RHOD: variants seen among roughly 807,000 people sequenced by gnomAD.
RHOD encodes rho-related GTP-binding protein RhoD.
Under a neutral mutation model 16.7 loss-of-function variants are expected in RHOD, and 11 were observed. The observed-to-expected ratio is 0.66, with a 90% CI of 0.41 to 1.09. The LOEUF (loss-of-function observed/expected upper bound fraction) is 1.09. RHOD is among the 50% of genes least tolerant of loss of function. The pLI, the probability that RHOD is intolerant of heterozygous loss-of-function variation, is 0.00. For synonymous variants in RHOD, 124 were observed against 126.3 expected, an observed-to-expected ratio of 0.98 and a Z score of 0.12; for missense variants, 271 against 291.7, an observed-to-expected ratio of 0.93 and a Z score of 0.52.
chr11:67,062,822 C>T (rs1247202104), intron 1 of RHOD, among the ~76,000 whole-genome samples: 2 of 152,374 alleles, frequency 1.3e-5, no homozygotes, highest in East Asian at 3.9e-4. Context: ...CAGCCCTGAG[C>T]AGGCAGTCAA....
At position 67,066,820 on chromosome 11, in the gene RHOD, G is replaced by A. The variant is rs752342973; in HGVS notation, c.303G>A (p.Pro101=). ...TGCTTTGCTTCGATGTCACCAGCCC[G>A]AACAGCTTTGACAACATCTTTAACC... ...VLLLCFDVTS[P]NSFDNIFNRW... The change falls in exon 3 of 5, where the codon CCG becomes CCA. Residue 101 remains proline (P), a synonymous_variant. Transcript: ENST00000308831. The A allele has an allele frequency of 1.2e-5, 20 of 1,613,384 alleles. No individual in the cohort carries two copies. Among genetic ancestry groups the A allele is most frequent in the African/African-American group, 4.0e-5 (3 of 74,912 alleles).
chr11:67,065,010 C>T, intron 1 of RHOD, among the ~76,000 whole-genome samples: 1 of 152,086 alleles, frequency 6.6e-6, no homozygotes, highest in Non-Finnish European at 1.5e-5. Context: ...TATTTTATGC[C>T]AGGCCCTGAG....
rs1032510488 is a variant in RHOD, at chr11:67,071,974, A to G, written c.*372A>G. ...CAGAACCCACACCCGGCCCCTTCCCACCTGTCATACTGGTAACTGTAACAA... is the reference window on the plus strand; with the variant it reads ...CAGAACCCACACCCGGCCCCTTCCCGCCTGTCATACTGGTAACTGTAACAA... On this transcript the variant is annotated 3_prime_UTR_variant, in exon 5 of 5. Transcript: ENST00000308831. 4 of 234,954 alleles carry G rather than the reference A, an allele frequency of 1.7e-5. No homozygotes were observed. In the East Asian group the frequency reaches 3.4e-4, roughly 20 times the overall value. 14.6% of individuals were successfully genotyped at this position (234,954 alleles called of 1,614,324 possible).
intron 3 of RHOD, 22 bp downstream of exon 3, chr11:67,066,869 G>A: frequency 2.0e-6 from 3 of 1,507,776 alleles, no homozygotes; most frequent in Non-Finnish European, 2.8e-6. Flanking sequence ...GGGGCAGGGA[G>A]GCATAGCCCC....
chr11:67,068,095 A>G (rs1325510928), intron 3 of RHOD, among the ~76,000 whole-genome samples: 1 of 152,072 alleles, frequency 6.6e-6, no homozygotes, highest in Non-Finnish European at 1.5e-5. Context: ...CACCACGCCC[A>G]GCCTGGGAGG....
At position 67,064,267 on chromosome 11, in the gene RHOD, G is replaced by A. The variant is rs868745468; in HGVS notation, c.133-1629G>A. The stretch of plus-strand genomic sequence containing the variant: ...TAAAAATACAAAAAATTAGCCGGGC[G>A]TGGTGGCGGGCGCCTGTAGTCCCAG... On this transcript the variant is annotated intron_variant, in intron 1 of 4. Transcript: ENST00000308831. Among the ~76,000 whole-genome samples the A allele has an allele frequency of 2.6e-3, 389 of 150,346 alleles. 1 individual carries two copies. The highest frequency in any genetic ancestry group is 8.8e-3 in the African/African-American group (359 of 40,892).
chr11:67,059,435 C>G (rs112062440), intron 1 of RHOD, among the ~76,000 whole-genome samples: 4 of 151,938 alleles, frequency 2.6e-5, no homozygotes, highest in Non-Finnish European at 5.9e-5. Flanking sequence ...CCCAGCTACT[C>G]GGGAAGCTGA....
At chr11:67,062,897 G>C (rs1163479635) in intron 1 of RHOD, among the ~76,000 whole-genome samples, 1 of 152,232 alleles carries the variant, frequency 6.6e-6, no homozygotes, top group Admixed American at 6.5e-5. Flanking sequence ...GGTTGTGGCA[G>C]AGTTTTGCAA....
chr11:67,060,964 G>T (rs1050458880), intron 1 of RHOD, among the ~76,000 whole-genome samples: 3 of 152,260 alleles, frequency 2.0e-5, no homozygotes, highest in African/African-American at 7.2e-5. Flanking sequence ...AAGGTCAGAA[G>T]CTGCGGAGGG....
In RHOD at chr11:67,071,765, A is replaced by C; in HGVS notation, c.*163A>C. 1 of 711,536 alleles carries C rather than the reference A, an allele frequency of 1.4e-6. No individual in the cohort carries two copies. Among genetic ancestry groups the C allele is most frequent in the Non-Finnish European group, 2.2e-6 (1 of 447,806 alleles). The allele number at this position is 711,536 out of a possible 1,614,324, so 44.1% of individuals were successfully genotyped here. A position where few individuals can be genotyped will look rare whatever the true frequency, so the allele number is the denominator to read the frequency against. ...GAGGCCTGGGAGTCCTGGACTGAGA[A>C]AGGGGGTTCCTGGGCCCACCTGCTC... On this transcript the variant is annotated 3_prime_UTR_variant, in exon 5 of 5. Coordinates refer to ENST00000308831, the MANE Select transcript of RHOD (RefSeq NM_014578.4).
At position 67,059,173 on chromosome 11, in the gene RHOD, G is replaced by A. The variant is rs570889091; in HGVS notation, c.132+2139G>A. Among the ~76,000 whole-genome samples the A allele has an allele frequency of 2.0e-5, 3 of 152,302 alleles. No individual in the cohort carries two copies. The South Asian group carries it at 6.2e-4, about 32-fold the overall frequency. Reference sequence around the variant, plus strand: ...GGCATGCTTATCACCAGGAAAATGGGCTGGATTTGTCCAGGCTCCTCCCGT... The same window carrying A: ...GGCATGCTTATCACCAGGAAAATGGACTGGATTTGTCCAGGCTCCTCCCGT... On this transcript the variant is annotated intron_variant, in intron 1 of 4. Coordinates refer to ENST00000308831, the MANE Select transcript of RHOD (RefSeq NM_014578.4).
At chr11:67,064,798 T>C (rs974212990) in intron 1 of RHOD, among the ~76,000 whole-genome samples, 1 of 151,896 alleles carries the variant, frequency 6.6e-6, no homozygotes, top group African/African-American at 2.4e-5. Flanking sequence ...TGGTCCCAGC[T>C]CTTGGGAGGC....
rs953631209 is a variant in RHOD at position 67,071,702 on chromosome 11, T to C, written c.*100T>C. 7 of 1,247,410 alleles carry C rather than the reference T, an allele frequency of 5.6e-6. No individual in the cohort carries two copies. Among genetic ancestry groups the C allele is most frequent in the Non-Finnish European group, 2.2e-6 (2 of 924,914 alleles). 77.3% of individuals were successfully genotyped at this position (1,247,410 alleles called of 1,614,324 possible). On this transcript the variant is annotated 3_prime_UTR_variant, in exon 5 of 5. Coordinates refer to ENST00000308831, the MANE Select transcript of RHOD (RefSeq NM_014578.4). ...GGTCCCTAGGCTGTGACCGCCGAAC[T>C]CCACTGCAACAGACGGGCGCCACCA...
chr11:67,061,753 AAAATATAT>A (rs1854891083), intron 1 of RHOD, among the ~76,000 whole-genome samples: 1 of 126,224 alleles, frequency 7.9e-6, no homozygotes, highest in Non-Finnish European at 1.7e-5. Context: ...AAAAAAAAAA[AAAATATAT>A]ATATATATAT....
chr11:67,058,339 C>A (rs570882503), intron 1 of RHOD, among the ~76,000 whole-genome samples: 1 of 152,166 alleles, frequency 6.6e-6, no homozygotes, highest in African/African-American at 2.4e-5. Flanking sequence ...CCGTGCCCAG[C>A]TAATTTTTGT....
Position 67,066,054 on chromosome 11 carries a change from T to G in RHOD, c.220+71T>G. 4.1e-6 allele frequency: 5 copies of G among 1,218,238 alleles called. No homozygotes were observed. The South Asian group carries it at 6.7e-5, about 16-fold the overall frequency. The allele number at this position is 1,218,238 out of a possible 1,614,324, so 75.5% of individuals were successfully genotyped here. A position where few individuals can be genotyped will look rare whatever the true frequency, so the allele number is the denominator to read the frequency against. On this transcript the variant is annotated intron_variant, in intron 2 of 4. Transcript: ENST00000308831. Reference sequence around the variant, plus strand: ...CCCTGATGCCTGGGACAGATTCCGCTCTGCTTCCTTCTGAACCAGGGAGGC... The same window carrying G: ...CCCTGATGCCTGGGACAGATTCCGCGCTGCTTCCTTCTGAACCAGGGAGGC...
chr11:67,064,117 A>G (rs1045909342), intron 1 of RHOD, among the ~76,000 whole-genome samples: 3 of 144,468 alleles, frequency 2.1e-5, no homozygotes, highest in Non-Finnish European at 4.5e-5. Flanking sequence ...AAAAAAAAAA[A>G]AAAAAAAGGC....
intron 1 of RHOD, among the ~76,000 whole-genome samples, chr11:67,061,295 G>T (rs972209718): frequency 6.6e-6 from 1 of 152,028 alleles, no homozygotes; most frequent in Non-Finnish European, 1.5e-5. Flanking sequence ...AGGTCAGGAG[G>T]AGTCCAGCCT....
chr11:67,057,126 C>A (rs1854822901), intron 1 of RHOD, 92 bp downstream of exon 1: 2 of 1,313,216 alleles, frequency 1.5e-6, no homozygotes, highest in East Asian at 6.4e-5. Context: ...TGCGCCTAAC[C>A]CGGCCTCCGA....
Sources: gnomAD v4.1 joint callset for allele counts (sites outside exome capture counted in the v4.1 genomes callset) on GRCh38, gnomAD v4.1.1 for gene constraint, MANE v1.5 for transcripts, NCBI Gene and HGNC (gene_info 2026-07-23, HGNC 2026-07-21) for gene names.